ATP11C: variants seen among roughly 807,000 people sequenced by gnomAD.
The protein encoded by ATP11C is ATPase phospholipid transporting 11C (ATP11C blood group).
In ATP11C, 36 loss-of-function variants were observed where a neutral mutation model predicts 97.4. That is an observed-to-expected ratio of 0.37 (90% confidence interval 0.28 to 0.49). ATP11C has a LOEUF of 0.49. Among genes scored for constraint, ATP11C ranks in the 20% least tolerant of loss-of-function variants. The pLI, the probability that ATP11C is intolerant of heterozygous loss-of-function variation, is 0.98. For synonymous variants in ATP11C, 275 were observed against 290.9 expected (o/e 0.95, Z 0.56); for missense variants, 730 against 824.6 (o/e 0.89, Z 1.40).
intron 1 of ATP11C, among the ~76,000 whole-genome samples, chrX:139,921,334 A>G (rs2085255836): frequency 9.0e-6 from 1 of 110,889 alleles, no homozygotes; most frequent in Non-Finnish European, 1.9e-5. Context: ...ATAGTGAGTG[A>G]GTCTCACGAG....
At chrX:139,854,691 G>A (rs1384487030) in intron 1 of ATP11C, among the ~76,000 whole-genome samples, 1 of 112,190 alleles carries the variant, frequency 8.9e-6, no homozygotes, top group African/African-American at 3.2e-5. Context: ...TAAAACTATT[G>A]CAGAAACAGT....
In ATP11C at chrX:139,745,686, A is replaced by T. The variant is rs369346041; in HGVS notation, c.2964+36T>A. On this transcript the variant is annotated intron_variant, in intron 25 of 29. Coordinates refer to ENST00000682941, the MANE Select transcript of ATP11C (RefSeq NM_001353812.2). The stretch of plus-strand genomic sequence containing the variant: ...TATGGGAAAAAGACAAGCCATGCTT[A>T]TAATACCAAAAGATGTAATGACAGG... 8 of 1,184,265 alleles carry T rather than the reference A, an allele frequency of 6.8e-6. No individual in the cohort carries two copies. In the South Asian group the frequency reaches 7.7e-5, roughly 11 times the overall value.
chrX:139,855,452 C>A (rs909577400), intron 1 of ATP11C, among the ~76,000 whole-genome samples: 2 of 111,316 alleles, frequency 1.8e-5, no homozygotes, highest in African/African-American at 6.5e-5. Flanking sequence ...CTGGGAAGGA[C>A]CCTACCTTGT....
At chrX:139,822,005 T>C (rs2083419691) in intron 2 of ATP11C, among the ~76,000 whole-genome samples, 1 of 112,027 alleles carries the variant, frequency 8.9e-6, no homozygotes, top group African/African-American at 3.2e-5. Context: ...AATTAACTTG[T>C]TTATCTAAAA....
chrX:139,761,110 C>A, intron 22 of ATP11C, among the ~76,000 whole-genome samples: 1 of 110,102 alleles, frequency 9.1e-6, no homozygotes, highest in South Asian at 4.0e-4. Context: ...ATGGTGAAAC[C>A]CTGTCTCTAT....
chrX:139,878,025 CAA>C (rs755139066), intron 1 of ATP11C, among the ~76,000 whole-genome samples: 272 of 110,923 alleles, frequency 2.5e-3, no homozygotes, highest in African/African-American at 7.8e-3. Context: ...GACTCTGTCT[CAA>C]AGAGGAAAAA....
At chrX:139,881,036 C>T (rs1032708129) in intron 1 of ATP11C, among the ~76,000 whole-genome samples, 7 of 111,709 alleles carry the variant, frequency 6.3e-5, no homozygotes, top group Non-Finnish European at 1.3e-4. Context: ...ACTTTGATAA[C>T]ATTCAACTGG....
intron 1 of ATP11C, among the ~76,000 whole-genome samples, chrX:139,888,126 T>G (rs1002856936): frequency 9.1e-6 from 1 of 109,737 alleles, no homozygotes; most frequent in Non-Finnish European, 1.9e-5. Flanking sequence ...CTCAAAGCTG[T>G]AAAGCTGTAT....
chrX:139,761,535 G>A (rs2082038159), intron 22 of ATP11C, among the ~76,000 whole-genome samples: 1 of 110,162 alleles, frequency 9.1e-6, no homozygotes, highest in African/African-American at 3.3e-5. Flanking sequence ...TCATATTATT[G>A]CCCAGGCTGG....
intron 1 of ATP11C, among the ~76,000 whole-genome samples, chrX:139,861,199 AATATG>A (rs1427954165): frequency 8.9e-6 from 1 of 112,294 alleles, no homozygotes. Context: ...TCCAGCTTCA[AATATG>A]ATATGAGTCA....
intron 29 of ATP11C, among the ~76,000 whole-genome samples, chrX:139,731,204 G>A (rs1699933544): frequency 8.9e-6 from 1 of 111,833 alleles, no homozygotes; most frequent in South Asian, 3.7e-4. Flanking sequence ...AACACATTTA[G>A]TTATTTTCAC....
Position 139,826,685 on chromosome X carries a change from A to C in ATP11C, c.147+19T>G. ...TGATTCACTATATGAACATCTATTG[A>C]GTTAAAACAAAAACTTACCTTAGAT... On this transcript the variant is annotated intron_variant, in intron 2 of 29. Transcript: ENST00000682941. The C allele has an allele frequency of 8.4e-7, 1 of 1,183,778 alleles. No homozygotes were observed.
At chrX:139,749,250 A>C (rs944473216) in intron 24 of ATP11C, among the ~76,000 whole-genome samples, 4 of 112,246 alleles carry the variant, frequency 3.6e-5, no homozygotes, top group African/African-American at 1.3e-4. Context: ...TGTAATTCTA[A>C]CAATTGCTAA....
chrX:139,921,085 G>T (rs765066777), intron 1 of ATP11C, among the ~76,000 whole-genome samples: 4 of 111,695 alleles, frequency 3.6e-5, no homozygotes, highest in Non-Finnish European at 7.5e-5. Context: ...GGGAAAACTG[G>T]AGGAGGAACA....
At chrX:139,854,692 C>T (rs1258983967) in intron 1 of ATP11C, among the ~76,000 whole-genome samples, 1 of 112,136 alleles carries the variant, frequency 8.9e-6, no homozygotes, top group African/African-American at 3.2e-5. Context: ...AAAACTATTG[C>T]AGAAACAGTT....
At chrX:139,924,413 C>T (rs2085319937) in intron 1 of ATP11C, among the ~76,000 whole-genome samples, 1 of 111,868 alleles carries the variant, frequency 8.9e-6, no homozygotes, top group Non-Finnish European at 1.9e-5. Flanking sequence ...TTGGACAAGT[C>T]ATTTCCTTTC....
At chrX:139,880,362 C>T (rs747714870) in intron 1 of ATP11C, among the ~76,000 whole-genome samples, 1 of 111,868 alleles carries the variant, frequency 8.9e-6, no homozygotes, top group South Asian at 3.8e-4. Context: ...TCAAATACTA[C>T]TTTCCCCTTG....
chrX:139,850,255 G>A (rs2083969087), intron 1 of ATP11C, among the ~76,000 whole-genome samples: 2 of 111,246 alleles, frequency 1.8e-5, no homozygotes, highest in Non-Finnish European at 3.8e-5. Flanking sequence ...ATGAGGGCTC[G>A]GAAGAAGAGA....
intron 29 of ATP11C, among the ~76,000 whole-genome samples, chrX:139,730,941 C>T (rs1229002387): frequency 9.0e-6 from 1 of 111,384 alleles, no homozygotes; most frequent in African/African-American, 3.3e-5. Context: ...GTAAATGAAA[C>T]ATTATAAAGT....
Sources: allele counts gnomAD v4.1 joint callset (sites outside exome capture counted in the v4.1 genomes callset), GRCh38; gene constraint gnomAD v4.1.1; transcripts MANE v1.5; gene names NCBI Gene and HGNC (gene_info 2026-07-23, HGNC 2026-07-21).